Variants in MAGI2 observed in about 807,000 individuals in gnomAD.
MAGI2 encodes the protein membrane associated guanylate kinase, WW and PDZ domain containing 2.
In MAGI2, 35 loss-of-function variants were observed where a neutral mutation model predicts 133.3. The observed-to-expected ratio is 0.26, with a 90% CI of 0.20 to 0.35. MAGI2 has a LOEUF of 0.35. Among genes scored for constraint, MAGI2 ranks in the 10% least tolerant of loss-of-function variants. The pLI, the probability that MAGI2 is intolerant of heterozygous loss-of-function variation, is 1.00. For synonymous variants in MAGI2, 729 were observed against 710.6 expected, an observed-to-expected ratio of 1.03 and a Z score of -0.41; for missense variants, 1,636 against 1,863.4, an observed-to-expected ratio of 0.88 and a Z score of 2.25.
At chr7:79,093,564 G>A (rs1398118820) in intron 1 of MAGI2, among the ~76,000 whole-genome samples, 1 of 152,042 alleles carries the variant, frequency 6.6e-6, no homozygotes, top group African/African-American at 2.4e-5. Context: ...GCAATCATCT[G>A]AGCCTTCAGC....
At chr7:78,784,635 C>T (rs1052839875) in intron 2 of MAGI2, among the ~76,000 whole-genome samples, 1 of 152,200 alleles carries the variant, frequency 6.6e-6, no homozygotes, top group Non-Finnish European at 1.5e-5. Context: ...AAAATCTGGA[C>T]AGGCTTTGCT....
chr7:79,327,792 T>TA (rs1839805066), intron 1 of MAGI2, among the ~76,000 whole-genome samples: 1 of 152,114 alleles, frequency 6.6e-6, no homozygotes, highest in South Asian at 2.1e-4. Flanking sequence ...GAGAAAGTAA[T>TA]AATTTATAAT....
At chr7:78,786,612 C>T (rs552103128) in intron 2 of MAGI2, among the ~76,000 whole-genome samples, 105 of 152,268 alleles carry the variant, frequency 6.9e-4, no homozygotes, top group African/African-American at 2.2e-3. Flanking sequence ...TTGTGTTTGA[C>T]GGCCCTCTGC....
At chr7:78,787,379 A>T (rs1826923504) in intron 2 of MAGI2, among the ~76,000 whole-genome samples, 1 of 152,148 alleles carries the variant, frequency 6.6e-6, no homozygotes, top group Admixed American at 6.5e-5. Context: ...GGGAATAAAG[A>T]TCTGCTTTGG....
chr7:78,963,088 CTA>C (rs1802991192), intron 2 of MAGI2, among the ~76,000 whole-genome samples: 1 of 152,044 alleles, frequency 6.6e-6, no homozygotes, highest in Non-Finnish European at 1.5e-5. Flanking sequence ...TGTCTGTAAA[CTA>C]TGAGTTATGG....
chr7:79,100,524 T>A (rs1483114489), intron 1 of MAGI2, among the ~76,000 whole-genome samples: 8 of 151,640 alleles, frequency 5.3e-5, no homozygotes, highest in African/African-American at 1.9e-4. Flanking sequence ...TTCTATTTTG[T>A]AACGTGTATA....
chr7:79,180,017 C>T (rs1273601831), intron 1 of MAGI2, among the ~76,000 whole-genome samples: 1 of 151,926 alleles, frequency 6.6e-6, no homozygotes, highest in Non-Finnish European at 1.5e-5. Context: ...TATTTCCAAA[C>T]TATTCATCTA....
intron 3 of MAGI2, among the ~76,000 whole-genome samples, chr7:78,544,796 T>C (rs565205199): frequency 2.6e-5 from 4 of 151,820 alleles, no homozygotes; most frequent in Non-Finnish European, 5.9e-5. Flanking sequence ...ATCACGCCAT[T>C]GCACTCCAGC....
intron 6 of MAGI2, among the ~76,000 whole-genome samples, chr7:78,414,184 C>T (rs1289768581): frequency 6.6e-6 from 1 of 151,700 alleles, no homozygotes; most frequent in Admixed American, 6.6e-5. Context: ...TTGGCAACGA[C>T]ATAAATGCCC....
intron 10 of MAGI2, among the ~76,000 whole-genome samples, chr7:78,203,668 C>G (rs533968207): frequency 6.6e-6 from 1 of 152,242 alleles, no homozygotes; most frequent in Non-Finnish European, 1.5e-5. Flanking sequence ...AAAGAAGTTG[C>G]GTGCTGCAGA....
At chr7:78,239,839 A>G (rs754781263) in intron 10 of MAGI2, among the ~76,000 whole-genome samples, 27 of 152,366 alleles carry the variant, frequency 1.8e-4, no homozygotes, top group South Asian at 6.2e-4. Context: ...ATTATGGAAA[A>G]CAGCATGGAG....
intron 16 of MAGI2, among the ~76,000 whole-genome samples, chr7:78,148,875 A>G (rs374198391): frequency 2.0e-5 from 3 of 152,290 alleles, no homozygotes; most frequent in East Asian, 3.9e-4. Flanking sequence ...TGGAATTTAT[A>G]TTATAGCCAA....
chr7:79,369,318 A>G (rs1400995166), intron 1 of MAGI2, among the ~76,000 whole-genome samples: 1 of 152,178 alleles, frequency 6.6e-6, no homozygotes, highest in Non-Finnish European at 1.5e-5. Context: ...GTTGTTCTGC[A>G]GGCAAGTCTT....
intron 2 of MAGI2, among the ~76,000 whole-genome samples, chr7:78,878,546 A>C (rs1795602346): frequency 6.6e-6 from 1 of 152,242 alleles, no homozygotes; most frequent in African/African-American, 2.4e-5. Context: ...AATGGTAGAT[A>C]TAGAAGTCCT....
At chr7:78,488,212 G>A (rs1223411180) in intron 6 of MAGI2, among the ~76,000 whole-genome samples, 2 of 151,938 alleles carry the variant, frequency 1.3e-5, no homozygotes, top group African/African-American at 2.4e-5. Context: ...TGGTTCAGAG[G>A]ACACCAGCAT....
chr7:78,039,029 G>C (rs963969516), intron 21 of MAGI2, among the ~76,000 whole-genome samples: 1 of 152,140 alleles, frequency 6.6e-6, no homozygotes, highest in African/African-American at 2.4e-5. Flanking sequence ...TATTCACTTA[G>C]AGGATTTTTT....
At chr7:79,289,803 A>C (rs1836314829) in intron 1 of MAGI2, among the ~76,000 whole-genome samples, 1 of 152,142 alleles carries the variant, frequency 6.6e-6, no homozygotes, top group South Asian at 2.1e-4. Flanking sequence ...ACCTTAAAAC[A>C]TTTCCAAGTT....
chr7:78,207,513 T>TA (rs1787221064), intron 10 of MAGI2, among the ~76,000 whole-genome samples: 2 of 152,214 alleles, frequency 1.3e-5, no homozygotes, highest in Admixed American at 1.3e-4. Context: ...ATTTAGCCTT[T>TA]GGTAAATGTA....
intron 3 of MAGI2, among the ~76,000 whole-genome samples, chr7:78,562,801 A>G (rs1800544320): frequency 6.6e-6 from 1 of 152,142 alleles, no homozygotes; most frequent in South Asian, 2.1e-4. Flanking sequence ...CCATGAATTT[A>G]CTGTTCCTAA....
Sources: allele counts gnomAD v4.1 joint callset (sites outside exome capture counted in the v4.1 genomes callset), GRCh38; gene constraint gnomAD v4.1.1; transcripts MANE v1.5; gene names NCBI Gene and HGNC (gene_info 2026-07-23, HGNC 2026-07-21).